CXADR: variants seen among roughly 807,000 people sequenced by gnomAD.
CXADR encodes CXADR cell adhesion molecule.
CXADR carries 20 observed loss-of-function variants against 40.3 expected under a neutral mutation model. The observed-to-expected ratio is 0.50, with a 90% CI of 0.35 to 0.72. CXADR has a LOEUF of 0.72. CXADR is among the 30% of genes least tolerant of loss of function. CXADR has a pLI of 0.01. For missense variants in CXADR, 332 were observed against 449.1 expected, an observed-to-expected ratio of 0.74 and a Z score of 2.36; for synonymous variants, 150 against 161.3, an observed-to-expected ratio of 0.93 and a Z score of 0.53.
intron 7 of CXADR, among the ~76,000 whole-genome samples, chr21:17,589,823 T>G (rs1939508121): frequency 6.6e-6 from 1 of 152,072 alleles, no homozygotes; most frequent in South Asian, 2.1e-4. Flanking sequence ...AAGGGATATA[T>G]ACTTCAAGAA....
downstream of CXADR, among the ~76,000 whole-genome samples, chr21:17,595,527 A>C (rs1394697635): frequency 6.6e-6 from 1 of 151,986 alleles, no homozygotes; most frequent in Non-Finnish European, 1.5e-5. Flanking sequence ...TGTATACTGG[A>C]TTGTATCCTG....
intron 1 of CXADR, among the ~76,000 whole-genome samples, chr21:17,527,477 T>C (rs1392190354): frequency 6.6e-6 from 1 of 152,214 alleles, no homozygotes; most frequent in East Asian, 1.9e-4. Context: ...AAATAAATAA[T>C]ATGTACTTAT....
At chr21:17,559,254 A>T in intron 4 of CXADR, 123 bp downstream of exon 4, 1 of 1,018,778 alleles carries the variant, frequency 9.8e-7, no homozygotes, top group Non-Finnish European at 1.4e-6. Context: ...ATCACGGCTC[A>T]CTGAAGCTTC....
At chr21:17,608,160 G>A in the CXADR span, among the ~76,000 whole-genome samples, 1 of 152,092 alleles carries the variant, frequency 6.6e-6, no homozygotes, top group South Asian at 2.1e-4. Context: ...GAGGCCAGGA[G>A]TTTGAAACTC....
the CXADR span, among the ~76,000 whole-genome samples, chr21:17,617,297 A>ATTG: frequency 9.4e-5 from 13 of 137,856 alleles, no homozygotes; most frequent in African/African-American, 3.7e-4. Context: ...GAGAGGTGCC[A>ATTG]TTATTGTTGT....
chr21:17,595,182 G>A (rs555012702), downstream of CXADR, among the ~76,000 whole-genome samples: 3 of 152,088 alleles, frequency 2.0e-5, no homozygotes, highest in South Asian at 2.1e-4. Context: ...AGGTGGGCAC[G>A]TCAGGTTCAC....
At chr21:17,588,007 T>C (rs1208930857) in intron 7 of CXADR, among the ~76,000 whole-genome samples, 1 of 152,160 alleles carries the variant, frequency 6.6e-6, no homozygotes, top group Non-Finnish European at 1.5e-5. Flanking sequence ...TCCCCATTGC[T>C]TGTTTTTCTC....
downstream of CXADR, among the ~76,000 whole-genome samples, chr21:17,596,005 C>T (rs556871191): frequency 6.6e-6 from 1 of 152,094 alleles, no homozygotes; most frequent in African/African-American, 2.4e-5. Flanking sequence ...ATTTAATCTG[C>T]ATTCCTCTGA....
chr21:17,608,990 G>A, the CXADR span: 2 of 1,613,240 alleles, frequency 1.2e-6, no homozygotes. Flanking sequence ...CTGTCCTTTC[G>A]ATGGTTTTTC....
At chr21:17,551,057 A>C (rs531071058) in intron 2 of CXADR, among the ~76,000 whole-genome samples, 1 of 152,124 alleles carries the variant, frequency 6.6e-6, no homozygotes, top group African/African-American at 2.4e-5. Context: ...ATTTTGTTAC[A>C]CTTGGTTGGC....
Position 17,565,826 on chromosome 21 carries a change from T to C in CXADR, c.*134T>C. 1 of 1,335,502 alleles carries C rather than the reference T, an allele frequency of 7.5e-7. No homozygotes were observed. The highest frequency in any genetic ancestry group is 2.6e-5 in the South Asian group (1 of 39,136). 82.7% of individuals were successfully genotyped at this position (1,335,502 alleles called of 1,614,324 possible). On this transcript the variant is annotated 3_prime_UTR_variant, in exon 7 of 7. Transcript: ENST00000284878. ...TAAGTTAATCAGGAACTGTACGGAA[T>C]ATATTTTTAAAAATTTTTGTTTGGT...
chr21:17,607,652 T>G, the CXADR span, among the ~76,000 whole-genome samples: 1 of 152,246 alleles, frequency 6.6e-6, no homozygotes, highest in Non-Finnish European at 1.5e-5. Context: ...AAGAGCCCAG[T>G]GGCAGAAAGG....
At chr21:17,605,371 G>C in the CXADR span, among the ~76,000 whole-genome samples, 1 of 152,092 alleles carries the variant, frequency 6.6e-6, no homozygotes, top group African/African-American at 2.4e-5. Flanking sequence ...CTAACAAAAG[G>C]CCTCATCTAA....
Position 17,570,066 on chromosome 21 carries a change from C to A in CXADR, c.*4374C>A. 18 of 985,340 alleles carry A rather than the reference C, an allele frequency of 1.8e-5. No homozygotes were observed. The highest frequency in any genetic ancestry group is 2.0e-5 in the Non-Finnish European group (17 of 829,890). 61.0% of individuals were successfully genotyped at this position (985,340 alleles called of 1,614,324 possible). On this transcript the variant is annotated 3_prime_UTR_variant, in exon 7 of 7. Coordinates refer to ENST00000284878, the MANE Select transcript of CXADR (RefSeq NM_001338.5). ...AAACAACTTGCTCTAGTTTTGTGAC[C>A]TTGTGTACTTTTGAAATAAAATCAA...
intron 1 of CXADR, among the ~76,000 whole-genome samples, chr21:17,531,402 G>T (rs574167475): frequency 6.6e-6 from 1 of 151,678 alleles, no homozygotes; most frequent in East Asian, 1.9e-4. Flanking sequence ...GGATGTGTTA[G>T]TGCCATCTCA....
At chr21:17,614,668 A>G in the CXADR span, among the ~76,000 whole-genome samples, 1 of 152,170 alleles carries the variant, frequency 6.6e-6, no homozygotes, top group East Asian at 1.9e-4. Flanking sequence ...ACCTGAGCCC[A>G]GGAAATTGAG....
chr21:17,621,715 A>C, the CXADR span, among the ~76,000 whole-genome samples: 1 of 152,098 alleles, frequency 6.6e-6, no homozygotes, highest in Non-Finnish European at 1.5e-5. Context: ...TCTCTAGAGG[A>C]CGCATCTCTC....
chr21:17,622,365 A>G, the CXADR span, among the ~76,000 whole-genome samples: 1 of 152,174 alleles, frequency 6.6e-6, no homozygotes, highest in Non-Finnish European at 1.5e-5. Context: ...ATATTTTGTA[A>G]TGATGTGCTT....
chr21:17,514,491 TTTC>T (rs1375966022), intron 1 of CXADR, among the ~76,000 whole-genome samples: 4 of 151,958 alleles, frequency 2.6e-5, no homozygotes, highest in Non-Finnish European at 5.9e-5. Flanking sequence ...CATTCCCACC[TTTC>T]TTTCTTTTTT....
Sources: allele counts gnomAD v4.1 joint callset (sites outside exome capture counted in the v4.1 genomes callset), GRCh38; gene constraint gnomAD v4.1.1; transcripts MANE v1.5; gene names NCBI Gene and HGNC (gene_info 2026-07-23, HGNC 2026-07-21).